The following MNAT1 variants were observed in gnomAD, a reference collection of about 807,000 sequenced individuals.
The protein encoded by MNAT1 is CDK-activating kinase assembly factor MAT1.
In MNAT1, 43 loss-of-function variants were observed where a neutral mutation model predicts 42.0. That is an observed-to-expected ratio of 1.02 (90% CI 0.80 to 1.32). The LOEUF is 1.32. Among genes scored for constraint, MNAT1 ranks in the 40% most tolerant of loss-of-function variants. The pLI is 0.00. For missense variants in MNAT1, 306 were observed against 350.4 expected, an observed-to-expected ratio of 0.87 and a Z score of 1.01; for synonymous variants, 118 against 120.0, an observed-to-expected ratio of 0.98 and a Z score of 0.11.
At chr14:60,936,982 C>CT (rs1055834004) in intron 7 of MNAT1, among the ~76,000 whole-genome samples, 4 of 150,290 alleles carry the variant, frequency 2.7e-5, no homozygotes, top group African/African-American at 7.5e-5. Flanking sequence ...GCCAGTGATG[C>CT]TGAGCATTTT....
intron 7 of MNAT1, among the ~76,000 whole-genome samples, chr14:60,927,804 G>A (rs146938148): frequency 1.9e-3 from 290 of 152,072 alleles, no homozygotes; most frequent in African/African-American, 6.7e-3. Context: ...TGCCTCTGAG[G>A]GTCTGCATTT....
At chr14:60,806,782 T>C (rs1212611270) in intron 3 of MNAT1, among the ~76,000 whole-genome samples, 1 of 152,152 alleles carries the variant, frequency 6.6e-6, no homozygotes, top group African/African-American at 2.4e-5. Flanking sequence ...GAAAGATCAT[T>C]GGATTTGGTT....
rs142935738 is a variant in MNAT1 at position 60,743,358 on chromosome 14, G to A, written c.89+8407G>A. On this transcript the variant is annotated intron_variant, in intron 1 of 7. Coordinates refer to ENST00000261245, the MANE Select transcript of MNAT1 (RefSeq NM_002431.4). ...GGCTGGAGTACAATGGCACAATCTCGGCTCACTGCAGCCTCCGCCTCCCAG... is the reference window on the plus strand; with the variant it reads ...GGCTGGAGTACAATGGCACAATCTCAGCTCACTGCAGCCTCCGCCTCCCAG... Among the ~76,000 whole-genome samples the A allele has an allele frequency of 1.7e-3, 252 of 151,686 alleles. No individual in the cohort carries two copies. In the East Asian group the frequency reaches 0.027, roughly 17 times the overall value.
At chr14:60,754,635 C>T (rs2030258442) in intron 1 of MNAT1, among the ~76,000 whole-genome samples, 1 of 152,154 alleles carries the variant, frequency 6.6e-6, no homozygotes, top group Non-Finnish European at 1.5e-5. Flanking sequence ...AGGCGTGAGC[C>T]ACCGCGCCTG....
intron 7 of MNAT1, among the ~76,000 whole-genome samples, chr14:60,947,151 A>G (rs1442643929): frequency 1.3e-5 from 2 of 152,196 alleles, no homozygotes; most frequent in African/African-American, 4.8e-5. Context: ...AGGTAACACA[A>G]TTCAGTACAT....
At chr14:60,945,948 A>C (rs1594900152) in intron 7 of MNAT1, among the ~76,000 whole-genome samples, 1 of 152,164 alleles carries the variant, frequency 6.6e-6, no homozygotes, top group African/African-American at 2.4e-5. Flanking sequence ...GTATGAATAC[A>C]TTCTCTCCAA....
chr14:60,885,021 A>G (rs1197181500), intron 7 of MNAT1, among the ~76,000 whole-genome samples: 4 of 151,932 alleles, frequency 2.6e-5, no homozygotes, highest in South Asian at 2.1e-4. Context: ...CTTCTGGCCT[A>G]TAAGGTTTCC....
chr14:60,746,455 C>T (rs980981173), intron 1 of MNAT1, among the ~76,000 whole-genome samples: 4 of 150,468 alleles, frequency 2.7e-5, no homozygotes, highest in African/African-American at 9.8e-5. Context: ...GTGGAGGTTG[C>T]AGTGAGCCGA....
chr14:60,868,720 G>A (rs1026651501), intron 6 of MNAT1, among the ~76,000 whole-genome samples: 3 of 151,956 alleles, frequency 2.0e-5, no homozygotes, highest in African/African-American at 7.2e-5. Flanking sequence ...ACAATGTTTT[G>A]TTATTTGAAA....
intron 7 of MNAT1, among the ~76,000 whole-genome samples, chr14:60,944,879 G>T (rs1324664802): frequency 2.0e-5 from 3 of 151,998 alleles, no homozygotes; most frequent in Admixed American, 6.6e-5. Flanking sequence ...ATAATGAGAG[G>T]ACTCAAAGAG....
chr14:60,887,019 G>T (rs1160752758), intron 7 of MNAT1, among the ~76,000 whole-genome samples: 1 of 152,014 alleles, frequency 6.6e-6, no homozygotes, highest in Non-Finnish European at 1.5e-5. Context: ...CCTCAATTTT[G>T]TTCAGGACAT....
rs925113581 is a variant in MNAT1 at position 60,968,791 on chromosome 14, T to C, written c.*442T>C. On this transcript the variant is annotated 3_prime_UTR_variant, in exon 8 of 8. Transcript: ENST00000261245. ...AAGTCTATTATTTCTTCTCATAAAA[T>C]GTTCCCCTTTTTCCTAATGTCTTGT... is the stretch of plus-strand genomic sequence containing the variant. 1.1e-5 allele frequency: 3 copies of C among 273,272 alleles called. No individual in the cohort carries two copies. 16.9% of individuals were successfully genotyped at this position (273,272 alleles called of 1,614,324 possible).
intron 4 of MNAT1, 78 bp downstream of exon 4, chr14:60,808,506 C>T: frequency 2.3e-6 from 2 of 853,686 alleles, no homozygotes; most frequent in South Asian, 1.9e-5. Flanking sequence ...AGCCATCTTC[C>T]TTTAAACCAG....
At chr14:60,939,268 T>C (rs1178004304) in intron 7 of MNAT1, among the ~76,000 whole-genome samples, 1 of 152,234 alleles carries the variant, frequency 6.6e-6, no homozygotes, top group Non-Finnish European at 1.5e-5. Flanking sequence ...TCTTGCCTTC[T>C]GCTAGCTTTG....
intron 6 of MNAT1, among the ~76,000 whole-genome samples, chr14:60,878,075 C>G (rs1029360772): frequency 2.0e-4 from 31 of 151,636 alleles, no homozygotes; most frequent in Admixed American, 6.6e-5. Context: ...AAAACAAAAA[C>G]AAAAACACTG....
intron 7 of MNAT1, among the ~76,000 whole-genome samples, chr14:60,959,812 TC>T (rs2036554922): frequency 6.6e-6 from 1 of 152,188 alleles, no homozygotes; most frequent in Non-Finnish European, 1.5e-5. Context: ...TCCTTGCTTT[TC>T]TTTATAGCTT....
At chr14:60,780,499 T>A in intron 1 of MNAT1, 1 of 1,514,532 alleles carries the variant, frequency 6.6e-7, no homozygotes, top group Non-Finnish European at 9.2e-7. Flanking sequence ...GACCACAGTT[T>A]ATTACCAATT....
At chr14:60,916,850 G>A (rs1227116216) in intron 7 of MNAT1, among the ~76,000 whole-genome samples, 2 of 152,154 alleles carry the variant, frequency 1.3e-5, no homozygotes, top group Non-Finnish European at 2.9e-5. Context: ...CTAGTCAGGA[G>A]GCTGAGGCAC....
chr14:60,948,509 A>G (rs1480936672), intron 7 of MNAT1, among the ~76,000 whole-genome samples: 2 of 152,134 alleles, frequency 1.3e-5, no homozygotes, highest in African/African-American at 4.8e-5. Flanking sequence ...GCCTCAAGTC[A>G]TTGTAGAGTT....
Sources: gnomAD v4.1 joint callset for allele counts (sites outside exome capture counted in the v4.1 genomes callset) on GRCh38, gnomAD v4.1.1 for gene constraint, MANE v1.5 for transcripts, NCBI Gene and HGNC (gene_info 2026-07-23, HGNC 2026-07-21) for gene names.